Variants in KCTD16 observed in about 807,000 individuals in gnomAD.
The protein encoded by KCTD16 is BTB/POZ domain-containing protein KCTD16.
Under a neutral mutation model 33.2 loss-of-function variants are expected in KCTD16, and 13 were observed. That is an observed-to-expected ratio of 0.39 (90% confidence interval 0.25 to 0.62). KCTD16 has a LOEUF of 0.62. Among genes scored for constraint, KCTD16 ranks in the 20% least tolerant of loss-of-function variants. The pLI is 0.50. For missense variants in KCTD16, 441 were observed against 525.1 expected, an observed-to-expected ratio of 0.84 and a Z score of 1.57; for synonymous variants, 197 against 195.3, an observed-to-expected ratio of 1.01 and a Z score of -0.07.
At chr5:144,433,293 G>A (rs1015256244) in intron 3 of KCTD16, among the ~76,000 whole-genome samples, 3 of 152,046 alleles carry the variant, frequency 2.0e-5, no homozygotes, top group African/African-American at 4.8e-5. Flanking sequence ...CAAGTGCAGC[G>A]ATAAACTGCA....
At chr5:144,219,214 T>C (rs1311141791) in intron 3 of KCTD16, among the ~76,000 whole-genome samples, 1 of 152,050 alleles carries the variant, frequency 6.6e-6, no homozygotes, top group Non-Finnish European at 1.5e-5. Context: ...TTTATTTTTT[T>C]ATTTTTTTTA....
intron 3 of KCTD16, among the ~76,000 whole-genome samples, chr5:144,328,124 G>A (rs1230052980): frequency 5.9e-5 from 9 of 152,030 alleles, no homozygotes; most frequent in African/African-American, 2.2e-4. Context: ...TTTTATCTCA[G>A]GATCCCCACT....
rs1401333358 is a variant in KCTD16 at position 144,355,403 on chromosome 5, ATC to A, written c.833-118253_833-118252del. Among the ~76,000 whole-genome samples, 4 of 152,174 alleles carry A rather than the reference ATC, an allele frequency of 2.6e-5. No individual in the cohort carries two copies. In the South Asian group the frequency reaches 8.3e-4, roughly 31 times the overall value. ...GCAATTTACATTTGAGGGATGTCAA[ATC>A]TCTGAACTCTCAAACTAAATTTTGA... On this transcript the variant is annotated intron_variant, in intron 3 of 3. Coordinates refer to ENST00000512467, the MANE Select transcript of KCTD16 (RefSeq NM_020768.4).
intron 3 of KCTD16, among the ~76,000 whole-genome samples, chr5:144,471,968 AT>A (rs1402664531): frequency 1.3e-5 from 2 of 152,212 alleles, no homozygotes; most frequent in Non-Finnish European, 2.9e-5. Flanking sequence ...GTTGGTATGT[AT>A]GTTTAAATCA....
chr5:144,398,233 T>G (rs1752619453), intron 3 of KCTD16, among the ~76,000 whole-genome samples: 1 of 152,228 alleles, frequency 6.6e-6, no homozygotes, highest in Admixed American at 6.5e-5. Context: ...CTTTTCTAAC[T>G]TATAGTTTTC....
chr5:144,176,547 C>T (rs796899853), intron 2 of KCTD16, among the ~76,000 whole-genome samples: 2 of 151,002 alleles, frequency 1.3e-5, no homozygotes, highest in Admixed American at 6.6e-5. Flanking sequence ...GGACTACAGG[C>T]GCCCGCCACC....
At chr5:144,204,726 G>A (rs1384914667) in intron 2 of KCTD16, among the ~76,000 whole-genome samples, 1 of 152,128 alleles carries the variant, frequency 6.6e-6, no homozygotes, top group Non-Finnish European at 1.5e-5. Context: ...CATTTTGAAA[G>A]AGCATCATTA....
chr5:144,467,013 TAA>T (rs1491229342), intron 3 of KCTD16, among the ~76,000 whole-genome samples: 2 of 125,478 alleles, frequency 1.6e-5, no homozygotes, highest in Middle Eastern at 3.5e-3. Flanking sequence ...ATATTATATA[TAA>T]TATATATAAC....
intron 3 of KCTD16, among the ~76,000 whole-genome samples, chr5:144,407,789 G>T (rs909290125): frequency 3.3e-5 from 5 of 152,118 alleles, no homozygotes; most frequent in African/African-American, 1.2e-4. Flanking sequence ...GTGAGAATGT[G>T]CAGTGTTTGG....
At chr5:144,285,007 G>A (rs890235369) in intron 3 of KCTD16, among the ~76,000 whole-genome samples, 22 of 152,192 alleles carry the variant, frequency 1.4e-4, no homozygotes, top group Non-Finnish European at 5.9e-5. Flanking sequence ...ACACATGGAG[G>A]TAAAGAACTT....
chr5:144,376,445 G>T (rs1355086572), intron 3 of KCTD16, among the ~76,000 whole-genome samples: 1 of 152,118 alleles, frequency 6.6e-6, no homozygotes, highest in African/African-American at 2.4e-5. Flanking sequence ...ACCTCCACTG[G>T]AGAGAAATGA....
intron 3 of KCTD16, among the ~76,000 whole-genome samples, chr5:144,426,257 C>T (rs1753326572): frequency 6.6e-6 from 1 of 152,142 alleles, no homozygotes; most frequent in African/African-American, 2.4e-5. Flanking sequence ...GGCTTTTATT[C>T]CAGTTTCCAA....
At chr5:144,319,084 G>A (rs1353068823) in intron 3 of KCTD16, among the ~76,000 whole-genome samples, 1 of 151,998 alleles carries the variant, frequency 6.6e-6, no homozygotes, top group African/African-American at 2.4e-5. Flanking sequence ...TACATAGTAA[G>A]TGCTTAATAT....
intron 3 of KCTD16, among the ~76,000 whole-genome samples, chr5:144,401,144 TG>T (rs1371248803): frequency 6.6e-6 from 1 of 152,208 alleles, no homozygotes; most frequent in African/African-American, 2.4e-5. Flanking sequence ...GTGCCAGCTC[TG>T]ATACGTGTGC....
intron 3 of KCTD16, among the ~76,000 whole-genome samples, chr5:144,317,243 A>G (rs1379347202): frequency 2.6e-5 from 4 of 152,184 alleles, no homozygotes; most frequent in Non-Finnish European, 5.9e-5. Context: ...GAAGGAAAAA[A>G]TCTAAAGCCA....
Position 144,239,951 on chromosome 5 carries a change from T to C in KCTD16, c.832+32405T>C, listed in dbSNP as rs182839334. 1.2e-4 allele frequency among the ~76,000 whole-genome samples: 18 copies of C among 152,256 alleles called. No homozygotes were observed. In the East Asian group the frequency reaches 2.9e-3, roughly 24 times the overall value. On this transcript the variant is annotated intron_variant, in intron 3 of 3. Coordinates refer to ENST00000512467, the MANE Select transcript of KCTD16 (RefSeq NM_020768.4). ...TGCATAGTGTCAGCTTCTGGGATAA[T>C]AGTAATTGCTTCCATTTTTTTAAGT...
rs141803949 is a variant in KCTD16 at position 144,373,564 on chromosome 5, C to T, written c.833-100096C>T. The stretch of plus-strand genomic sequence containing the variant: ...GTTTTTGGTCTATATCCTTCCAAGC[C>T]ACTTGTGATGCACACCTAGTTCCTG... On this transcript the variant is annotated intron_variant, in intron 3 of 3. Transcript: ENST00000512467. 1.9e-3 allele frequency among the ~76,000 whole-genome samples: 286 copies of T among 152,244 alleles called. 3 individuals are homozygous for T. Among genetic ancestry groups the T allele is most frequent in the African/African-American group, 6.1e-3 (253 of 41,548 alleles).
intron 3 of KCTD16, among the ~76,000 whole-genome samples, chr5:144,347,473 C>T (rs1752832809): frequency 6.6e-6 from 1 of 152,058 alleles, no homozygotes; most frequent in Admixed American, 6.5e-5. Flanking sequence ...CAAGCACCTG[C>T]AATCCCAGCT....
intron 3 of KCTD16, among the ~76,000 whole-genome samples, chr5:144,341,684 C>T (rs1437647308): frequency 2.6e-5 from 4 of 152,258 alleles, no homozygotes; most frequent in Non-Finnish European, 4.4e-5. Context: ...CAATGCATTA[C>T]AAGAGAGGAA....
Sources: gnomAD v4.1 joint callset for allele counts (sites outside exome capture counted in the v4.1 genomes callset) on GRCh38, gnomAD v4.1.1 for gene constraint, MANE v1.5 for transcripts, NCBI Gene and HGNC (gene_info 2026-07-23, HGNC 2026-07-21) for gene names.